Variants in TMEM232 observed in about 807,000 individuals in gnomAD.
The protein encoded by TMEM232 is transmembrane protein 232.
TMEM232 carries 80 observed loss-of-function variants against 78.8 expected under a neutral mutation model. The observed-to-expected ratio is 1.01, with a 90% CI of 0.85 to 1.22. The LOEUF is 1.22. Ranked by LOEUF, TMEM232 falls within the 50% of genes most tolerant of loss-of-function variation. The probability of loss-of-function intolerance (pLI) is 0.00; values close to 1 mark genes in which losing one functional copy is unlikely to be tolerated. For missense variants in TMEM232, 881 were observed against 742.2 expected, an observed-to-expected ratio of 1.19 and a Z score of -2.17; for synonymous variants, 297 against 254.3, an observed-to-expected ratio of 1.17 and a Z score of -1.60.
At chr5:110,724,419 G>A (rs27124) in intron 1 of TMEM232, among the ~76,000 whole-genome samples, 6 of 152,294 alleles carry the variant, frequency 3.9e-5, no homozygotes, top group African/African-American at 1.4e-4. Context: ...TCTAAACTGT[G>A]TATAACTTAA....
chr5:110,493,460 G>A (rs1184225945), intron 12 of TMEM232, among the ~76,000 whole-genome samples: 1 of 151,256 alleles, frequency 6.6e-6, no homozygotes, highest in African/African-American at 2.4e-5. Context: ...AAAATGACAT[G>A]ATATTAACAT....
At chr5:110,588,434 TGAA>T (rs1237938474) in intron 10 of TMEM232, among the ~76,000 whole-genome samples, 3 of 152,050 alleles carry the variant, frequency 2.0e-5, no homozygotes, top group Non-Finnish European at 4.4e-5. Flanking sequence ...CCCAGCAAAC[TGAA>T]GAAGTTAATT....
intron 12 of TMEM232, among the ~76,000 whole-genome samples, chr5:110,502,695 T>G (rs906091487): frequency 2.6e-5 from 4 of 152,142 alleles, no homozygotes; most frequent in African/African-American, 9.7e-5. Flanking sequence ...CCTCACTCAC[T>G]ACCCGGTAGC....
intron 2 of TMEM232, among the ~76,000 whole-genome samples, chr5:110,732,895 A>G (rs538079529): frequency 2.0e-4 from 31 of 152,252 alleles, no homozygotes; most frequent in Non-Finnish European, 3.8e-4. Context: ...AACATACAGA[A>G]TGAGAGAAAA....
intron 12 of TMEM232, among the ~76,000 whole-genome samples, chr5:110,481,526 G>A (rs891580470): frequency 3.3e-5 from 5 of 151,680 alleles, no homozygotes; most frequent in East Asian, 1.9e-4. Context: ...TCTCCCCTCC[G>A]CACACACACA....
At chr5:110,567,893 G>A (rs1433549137) in intron 11 of TMEM232, among the ~76,000 whole-genome samples, 1 of 151,888 alleles carries the variant, frequency 6.6e-6, no homozygotes, top group East Asian at 1.9e-4. Context: ...TCATAAAAAT[G>A]CCCCTTGCCC....
chr5:110,451,226 T>A (rs1478320575), intron 12 of TMEM232, among the ~76,000 whole-genome samples: 1 of 124,420 alleles, frequency 8.0e-6, no homozygotes, highest in Non-Finnish European at 1.5e-5. Flanking sequence ...TGGCATGTAA[T>A]TCATATTTTG....
intron 10 of TMEM232, 69 bp downstream of exon 10, chr5:110,605,040 G>T (rs879820076): frequency 1.2e-5 from 16 of 1,385,012 alleles, no homozygotes; most frequent in East Asian, 2.5e-5. Context: ...TGAGTAGAAT[G>T]CTTATTACTA....
chr5:110,470,879 G>GT (rs1187416210), intron 12 of TMEM232, among the ~76,000 whole-genome samples: 1 of 152,146 alleles, frequency 6.6e-6, no homozygotes, highest in Non-Finnish European at 1.5e-5. Flanking sequence ...TAGTAGTCCA[G>GT]TAACAGGTCC....
At chr5:110,477,558 T>G (rs1197635034) in intron 12 of TMEM232, among the ~76,000 whole-genome samples, 1 of 151,918 alleles carries the variant, frequency 6.6e-6, no homozygotes. Context: ...CAAACTGCTG[T>G]AAATACATCA....
At chr5:110,546,736 G>A (rs1004259066) in intron 11 of TMEM232, among the ~76,000 whole-genome samples, 14 of 152,106 alleles carry the variant, frequency 9.2e-5, no homozygotes, top group African/African-American at 3.4e-4. Flanking sequence ...AGTAGTGAGA[G>A]AGTGTCTGAA....
chr5:110,619,876 C>T (rs1206715128), intron 7 of TMEM232, among the ~76,000 whole-genome samples: 1 of 151,528 alleles, frequency 6.6e-6, no homozygotes, highest in Non-Finnish European at 1.5e-5. Context: ...TGTAACAAAC[C>T]TGCATGTTGT....
At chr5:110,434,933 T>C (rs906570052) in intron 12 of TMEM232, among the ~76,000 whole-genome samples, 2 of 151,870 alleles carry the variant, frequency 1.3e-5, no homozygotes, top group African/African-American at 2.4e-5. Context: ...CTCAACAAAC[T>C]AGGCATCAAA....
intron 11 of TMEM232, among the ~76,000 whole-genome samples, chr5:110,532,876 C>T (rs901153908): frequency 1.3e-5 from 2 of 152,184 alleles, no homozygotes; most frequent in African/African-American, 4.8e-5. Flanking sequence ...TGTTATCACT[C>T]GCTTGCTACA....
intron 12 of TMEM232, among the ~76,000 whole-genome samples, chr5:110,448,123 A>C (rs901388177): frequency 2.6e-5 from 4 of 152,080 alleles, no homozygotes; most frequent in Non-Finnish European, 5.9e-5. Context: ...TGGGACAGAA[A>C]AATGAGCAAA....
exon 1 of TMEM232, chr5:110,737,999 C>A: frequency 8.7e-6 from 2 of 230,134 alleles, no homozygotes; most frequent in Admixed American, 1.1e-4. Context: ...CTACTATACA[C>A]CCATAAAAAA....
intron 2 of TMEM232, among the ~76,000 whole-genome samples, chr5:110,654,874 A>C (rs1248290487): frequency 6.6e-6 from 1 of 152,126 alleles, no homozygotes; most frequent in African/African-American, 2.4e-5. Context: ...GTCCCTTGTA[A>C]GTTGGATTCC....
chr5:110,474,277 T>C (rs1350492987), intron 12 of TMEM232, among the ~76,000 whole-genome samples: 1 of 151,940 alleles, frequency 6.6e-6, no homozygotes, highest in East Asian at 1.9e-4. Flanking sequence ...TATATGTCAA[T>C]TAAAAATACA....
intron 5 of TMEM232, among the ~76,000 whole-genome samples, chr5:110,635,355 T>A (rs933337989): frequency 6.6e-6 from 1 of 151,936 alleles, no homozygotes; most frequent in African/African-American, 2.4e-5. Flanking sequence ...GTTACCCTAA[T>A]ACCAAAACCA....
Sources: gnomAD v4.1 joint callset for allele counts (sites outside exome capture counted in the v4.1 genomes callset) on GRCh38, gnomAD v4.1.1 for gene constraint, MANE v1.5 for transcripts, NCBI Gene and HGNC (gene_info 2026-07-23, HGNC 2026-07-21) for gene names.